Variants in LENG8 observed in about 807,000 individuals in gnomAD.
LENG8 encodes leukocyte receptor cluster member 8.
In LENG8, 28 loss-of-function variants were observed where a neutral mutation model predicts 102.1. The observed-to-expected ratio is 0.27, with a 90% CI of 0.20 to 0.38. The LOEUF is 0.38. Ranked by LOEUF, LENG8 falls within the 10% of genes least tolerant of loss-of-function variation. LENG8 has a pLI of 1.00. For missense variants in LENG8, 1,022 were observed against 1,113.9 expected (o/e 0.92, Z 1.17); for synonymous variants, 531 against 456.7 (o/e 1.16, Z -2.07).
rs772424569 is a variant in LENG8 at position 54,456,843 on chromosome 19, G to A, written c.1653G>A (p.Val551=). ...ADPDWQELQI[V]GTCPDITKHY... ...CTGACTGGCAGGAGCTGCAGATCGT[G>A]GGCACCTGCCCTGACATCACCAAGC... The change falls in exon 11 of 16, where the codon GTG becomes GTA. Residue 551 remains valine (V), a synonymous_variant. Transcript: ENST00000326764. The A allele has an allele frequency of 6.2e-7, 1 of 1,611,006 alleles. No homozygotes were observed. The highest frequency in any genetic ancestry group is 8.5e-7 in the Non-Finnish European group (1 of 1,179,790).
At chr19:54,455,118 G>A (rs1256621902) in intron 7 of LENG8, 26 bp downstream of exon 7, 9 of 1,613,612 alleles carry the variant, frequency 5.6e-6, no homozygotes, top group Admixed American at 5.0e-5. Context: ...TTGCCCCGTC[G>A]CAGCCCCACA....
At chr19:54,460,718 T>TGGGGGC in intron 15 of LENG8, 48 bp from the exon 16 acceptor site, 1 of 1,048,042 alleles carries the variant, frequency 9.5e-7, no homozygotes, top group Non-Finnish European at 1.3e-6. Context: ...GGCCCTCCCC[T>TGGGGGC]GCCCTCCCGC....
At chr19:54,453,744 T>C (rs1307548896) in intron 5 of LENG8, 88 bp downstream of exon 5, 1 of 893,268 alleles carries the variant, frequency 1.1e-6, no homozygotes, top group Non-Finnish European at 1.8e-6. Flanking sequence ...TGGCTTGTAC[T>C]CCTTAAGCTG....
rs201619863 is a variant in LENG8, at chr19:54,452,728, C to T, written c.291C>T (p.Tyr97=). The T allele has an allele frequency of 4.3e-5, 70 of 1,613,574 alleles. No homozygotes were observed. In the Admixed American group the frequency reaches 1.1e-3, roughly 27 times the overall value. The change falls in exon 4 of 16, where the codon TAC becomes TAT. Residue 97 remains tyrosine (Y), a synonymous_variant. Transcript: ENST00000326764. ...YQWYQQYNYA[Y]PYSYYYPMSM... is the part of the protein sequence containing the mutation. ...GGTACCAGCAGTACAACTATGCCTA[C>T]CCCTACAGCTACTACTATCCCATGG...
Position 54,461,139 on chromosome 19 carries a change from GGGA to G in LENG8, c.*217_*219del, listed in dbSNP as rs1455305928. 3 of 775,706 alleles carry G rather than the reference GGGA, an allele frequency of 3.9e-6. No individual in the cohort carries two copies. In the African/African-American group the frequency reaches 5.1e-5, roughly 13 times the overall value. 48.1% of individuals were successfully genotyped at this position (775,706 alleles called of 1,614,324 possible). The stretch of plus-strand genomic sequence containing the variant: ...TTTTTGCCTCAGAGGGATGGGATTG[GGGA>G]GGAGGGGATGGGCAGCGGAGGGTTG... On this transcript the variant is annotated 3_prime_UTR_variant, in exon 16 of 16. Transcript: ENST00000326764.
chr19:54,459,219 C>T (rs2123196165), intron 15 of LENG8: 1 of 1,092,350 alleles, frequency 9.2e-7, no homozygotes, highest in South Asian at 3.6e-5. Flanking sequence ...ATGCTCTTGG[C>T]ATCTAGTGAG....
intron 11 of LENG8, 128 bp downstream of exon 11, chr19:54,457,049 C>A: frequency 9.2e-7 from 1 of 1,092,338 alleles, no homozygotes; most frequent in Non-Finnish European, 1.3e-6. Context: ...CGGCCAGAGA[C>A]GCCTCGGCTG....
At chr19:54,450,653 G>C (rs2083920929) in intron 1 of LENG8, among the ~76,000 whole-genome samples, 1 of 125,436 alleles carries the variant, frequency 8.0e-6, no homozygotes, top group Admixed American at 9.9e-5. Flanking sequence ...ACAGAGTTTC[G>C]CTCTTGTTGC....
chr19:54,450,663 C>T (rs2083921413), intron 1 of LENG8, among the ~76,000 whole-genome samples: 1 of 146,494 alleles, frequency 6.8e-6, no homozygotes, highest in Admixed American at 6.9e-5. Flanking sequence ...GCTCTTGTTG[C>T]CCAGGCTGGA....
rs2084469693 is a variant in LENG8 at position 54,460,390 on chromosome 19, C to T, written c.2241-376C>T. 4.4e-5 allele frequency: 53 copies of T among 1,213,550 alleles called. 1 individual carries two copies. The highest frequency in any genetic ancestry group is 2.1e-4 in the South Asian group (13 of 62,672). The allele number at this position is 1,213,550 out of a possible 1,614,324, so 75.2% of individuals were successfully genotyped here. A position where few individuals can be genotyped will look rare whatever the true frequency, so the allele number is the denominator to read the frequency against. On this transcript the variant is annotated intron_variant, in intron 15 of 15. Coordinates refer to ENST00000326764, the MANE Select transcript of LENG8 (RefSeq NM_052925.4). ...CTGTAACGCAGGGCAGGGGAGGCAG[C>T]GAGGGCTGGGTCCCCACGGTGGCCC...
chr19:54,453,529 T>TC lies in LENG8; in HGVS notation c.316-14dup, dbSNP rs780260814. ...GGTAGGCCTCCCACTAAACCCTCCC[T>TC]CCCTGCGCCTTTGCAGAGCATGTAC... On this transcript the variant is annotated splice_polypyrimidine_tract_variant and intron_variant, in intron 4 of 15. Coordinates refer to ENST00000326764, the MANE Select transcript of LENG8 (RefSeq NM_052925.4). The TC allele has an allele frequency of 3.2e-5, 51 of 1,587,516 alleles. No homozygotes were observed. Among genetic ancestry groups the TC allele is most frequent in the Non-Finnish European group, 4.3e-5 (50 of 1,156,068 alleles).
chr19:54,452,519 G>A (rs920660233), intron 3 of LENG8, 132 bp from the exon 4 acceptor site: 2 of 782,430 alleles, frequency 2.6e-6, no homozygotes, highest in African/African-American at 3.4e-5. Context: ...TAGAGACAGT[G>A]GCTCACTTTG....
intron 6 of LENG8, 46 bp downstream of exon 6, chr19:54,454,728 T>A (rs3813146): frequency 3.3e-5 from 50 of 1,535,042 alleles, no homozygotes; most frequent in Non-Finnish European, 4.2e-5. Flanking sequence ...TGGGCCCTCA[T>A]AAGAGCTCCT....
intron 1 of LENG8, among the ~76,000 whole-genome samples, chr19:54,450,897 G>C (rs2083932170): frequency 6.6e-6 from 1 of 152,172 alleles, no homozygotes; most frequent in South Asian, 2.1e-4. Flanking sequence ...TGGGATTACA[G>C]GCGTGAGCCA....
Position 54,453,528 on chromosome 19 carries a change from C to T in LENG8, c.316-18C>T, listed in dbSNP as rs1284988613. On this transcript the variant is annotated intron_variant, in intron 4 of 15. Coordinates refer to ENST00000326764, the MANE Select transcript of LENG8 (RefSeq NM_052925.4). ...GGGTAGGCCTCCCACTAAACCCTCC[C>T]TCCCTGCGCCTTTGCAGAGCATGTA... The T allele has an allele frequency of 3.8e-6, 6 of 1,584,988 alleles. No homozygotes were observed. The highest frequency in any genetic ancestry group is 1.1e-5 in the South Asian group (1 of 90,484).
Position 54,453,593 on chromosome 19 carries a change from C to G in LENG8, c.363C>G (p.Gly121=). The G allele has an allele frequency of 6.2e-7, 1 of 1,614,054 alleles. No individual in the cohort carries two copies. Among genetic ancestry groups the G allele is most frequent in the Non-Finnish European group, 8.5e-7 (1 of 1,180,008 alleles). The part of the protein sequence containing the change: ...YGSPSQYGMA[G]SYGSATPQQP... ...CCCCTTCCCAGTATGGGATGGCCGG[C>G]TCCTATGGCTCAGCCACACCCCAGC... Residue 121 remains glycine, a synonymous_variant, in exon 5 of 16, where the codon GGC becomes GGG. Coordinates refer to ENST00000326764, the MANE Select transcript of LENG8 (RefSeq NM_052925.4).
Position 54,458,241 on chromosome 19 carries a change from C to T in LENG8, c.2032+9C>T, listed in dbSNP as rs768127494. 15 of 1,614,054 alleles carry T rather than the reference C, an allele frequency of 9.3e-6. No individual in the cohort carries two copies. The highest frequency in any genetic ancestry group is 1.3e-5 in the Non-Finnish European group (15 of 1,180,008). On this transcript the variant is annotated intron_variant, in intron 14 of 15. Coordinates refer to ENST00000326764, the MANE Select transcript of LENG8 (RefSeq NM_052925.4). ...CACCAAGAACTCGGGAGGTGAGGCCCAGTCCCCAGGACAGAGGCCATGGTA... is the reference window on the plus strand; with the variant it reads ...CACCAAGAACTCGGGAGGTGAGGCCTAGTCCCCAGGACAGAGGCCATGGTA...
chr19:54,451,964 A>G, intron 2 of LENG8, 129 bp from the exon 3 acceptor site: 1 of 802,082 alleles, frequency 1.2e-6, no homozygotes, highest in Non-Finnish European at 2.0e-6. Context: ...AGTACAGATT[A>G]GAAAACTTAG....
At position 54,458,537 on chromosome 19, in the gene LENG8, C is replaced by T. The variant is rs772185495; in HGVS notation, c.2240+16C>T. 4.3e-6 allele frequency: 7 copies of T among 1,613,902 alleles called. No homozygotes were observed. The East Asian group carries it at 1.1e-4, about 26-fold the overall frequency. ...TGATCAAAACGTATGTGGTGCCAAG[C>T]TCCCTTCTGCCTTTGCTCTTCCCAT... On this transcript the variant is annotated intron_variant, in intron 15 of 15. Coordinates refer to ENST00000326764, the MANE Select transcript of LENG8 (RefSeq NM_052925.4).
Sources: allele counts gnomAD v4.1 joint callset (sites outside exome capture counted in the v4.1 genomes callset), GRCh38; gene constraint gnomAD v4.1.1; transcripts MANE v1.5; gene names NCBI Gene and HGNC (gene_info 2026-07-23, HGNC 2026-07-21).